ARHGAP10: variants seen among roughly 807,000 people sequenced by gnomAD.
ARHGAP10 encodes the protein Rho GTPase activating protein 10.
In ARHGAP10, 87 loss-of-function variants were observed where a neutral mutation model predicts 108.6. That is an observed-to-expected ratio of 0.80 (90% CI 0.67 to 0.96). The LOEUF is 0.96. Among genes scored for constraint, ARHGAP10 ranks in the 40% least tolerant of loss-of-function variants. The probability of loss-of-function intolerance (pLI) is 0.00; values close to 1 mark genes in which losing one functional copy is unlikely to be tolerated. For synonymous variants in ARHGAP10, 347 were observed against 341.1 expected, an observed-to-expected ratio of 1.02 and a Z score of -0.19; for missense variants, 939 against 954.5, an observed-to-expected ratio of 0.98 and a Z score of 0.21.
intron 18 of ARHGAP10, among the ~76,000 whole-genome samples, chr4:148,011,052 A>T (rs1405329529): frequency 6.6e-6 from 1 of 152,038 alleles, no homozygotes; most frequent in Non-Finnish European, 1.5e-5. Context: ...CATTACTTTG[A>T]CTCTTCACAA....
intron 16 of ARHGAP10, among the ~76,000 whole-genome samples, chr4:147,959,985 T>C (rs779286813): frequency 6.6e-6 from 1 of 152,218 alleles, no homozygotes; most frequent in Non-Finnish European, 1.5e-5. Flanking sequence ...TTTTGCGATA[T>C]AAAATTCTTA....
chr4:148,034,132 A>G (rs372272237), intron 19 of ARHGAP10, among the ~76,000 whole-genome samples: 9 of 152,356 alleles, frequency 5.9e-5, no homozygotes, highest in South Asian at 2.1e-4. Flanking sequence ...CAGCCAATAT[A>G]TGGTAAATAT....
chr4:147,792,092 T>C (rs999458578), intron 1 of ARHGAP10, among the ~76,000 whole-genome samples: 3 of 152,264 alleles, frequency 2.0e-5, no homozygotes, highest in Non-Finnish European at 4.4e-5. Flanking sequence ...CAGGGTTGTC[T>C]TCACCTTTAC....
At chr4:147,807,504 G>A (rs1404627071) in intron 1 of ARHGAP10, among the ~76,000 whole-genome samples, 10 of 151,926 alleles carry the variant, frequency 6.6e-5, no homozygotes, top group Admixed American at 5.9e-4. Context: ...GGTCAGGAAC[G>A]TAAAGAGGTC....
chr4:147,844,856 C>T (rs1342702312), intron 3 of ARHGAP10, among the ~76,000 whole-genome samples: 1 of 152,196 alleles, frequency 6.6e-6, no homozygotes, highest in African/African-American at 2.4e-5. Flanking sequence ...TCATCTCTCC[C>T]TCAGCAGCCA....
chr4:147,751,452 C>T (rs1184407112), intron 1 of ARHGAP10, among the ~76,000 whole-genome samples: 3 of 151,786 alleles, frequency 2.0e-5, no homozygotes, highest in African/African-American at 7.3e-5. Context: ...CAACCTCCGC[C>T]TCCTGGGTTC....
chr4:147,860,335 A>G (rs1159382156), intron 5 of ARHGAP10, among the ~76,000 whole-genome samples: 1 of 152,132 alleles, frequency 6.6e-6, no homozygotes, highest in Admixed American at 6.6e-5. Flanking sequence ...CCAGCTACTC[A>G]GGAGGCTGAG....
chr4:147,860,467 A>G (rs1189635993), intron 5 of ARHGAP10, among the ~76,000 whole-genome samples: 1 of 151,728 alleles, frequency 6.6e-6, no homozygotes. Context: ...AAACAAAACA[A>G]AAAAAACCAG....
intron 13 of ARHGAP10, among the ~76,000 whole-genome samples, chr4:147,935,284 G>A (rs1216425316): frequency 1.3e-5 from 2 of 152,214 alleles, no homozygotes; most frequent in South Asian, 4.1e-4. Context: ...GGATCTGAAG[G>A]CTGGCTCTTA....
intron 18 of ARHGAP10, among the ~76,000 whole-genome samples, chr4:147,990,005 T>C (rs1740208920): frequency 6.6e-6 from 1 of 152,244 alleles, no homozygotes; most frequent in Non-Finnish European, 1.5e-5. Context: ...CACATTCTTC[T>C]GTCATGGCTT....
chr4:148,059,887 T>G (rs1729528658), intron 20 of ARHGAP10, among the ~76,000 whole-genome samples: 1 of 151,998 alleles, frequency 6.6e-6, no homozygotes, highest in Non-Finnish European at 1.5e-5. Context: ...CAATGCAGCT[T>G]GGGCCAGGTC....
chr4:147,982,365 C>CTT (rs70958599), intron 18 of ARHGAP10, among the ~76,000 whole-genome samples: 66 of 124,628 alleles, frequency 5.3e-4, no homozygotes, highest in African/African-American at 1.8e-3. Context: ...TTCTTTCTTT[C>CTT]TTTTTTTTTT....
chr4:147,732,579 C>T, intron 1 of ARHGAP10, 124 bp downstream of exon 1: 1 of 1,380,298 alleles, frequency 7.2e-7, no homozygotes, highest in Non-Finnish European at 9.9e-7. Flanking sequence ...GAATTCATTC[C>T]GGACCAGCCC....
Position 147,740,027 on chromosome 4 carries a change from C to T in ARHGAP10, c.154+7572C>T, listed in dbSNP as rs148798921. 9.5e-5 allele frequency among the ~76,000 whole-genome samples: 14 copies of T among 147,716 alleles called. No individual in the cohort carries two copies. In the East Asian group the frequency reaches 2.2e-3, roughly 23 times the overall value. The stretch of plus-strand genomic sequence containing the variant: ...CTGGGATTACAGGTGTGAGCCACTG[C>T]GTCTGGCCTTACTGGGTTACTTTTT... On this transcript the variant is annotated intron_variant, in intron 1 of 22. Transcript: ENST00000336498.
intron 13 of ARHGAP10, among the ~76,000 whole-genome samples, chr4:147,921,110 T>G (rs1737213975): frequency 6.6e-6 from 1 of 152,200 alleles, no homozygotes; most frequent in South Asian, 2.1e-4. Context: ...AGGTAACTGA[T>G]TCTGGATAAT....
At chr4:147,946,855 A>C in intron 15 of ARHGAP10, 151 bp downstream of exon 15, 1 of 510,256 alleles carries the variant, frequency 2.0e-6, no homozygotes, top group Middle Eastern at 4.5e-4. Flanking sequence ...TCCCAGAAAG[A>C]AAGGTAACTA....
chr4:147,835,476 G>A (rs1733131659), intron 3 of ARHGAP10, among the ~76,000 whole-genome samples: 2 of 152,154 alleles, frequency 1.3e-5, no homozygotes, highest in African/African-American at 2.4e-5. Context: ...AGGTTCCAGA[G>A]ATTTTCCTGC....
chr4:147,964,958 G>A (rs1172469285), intron 16 of ARHGAP10, 66 bp from the exon 17 acceptor site: 7 of 1,088,166 alleles, frequency 6.4e-6, no homozygotes, highest in Non-Finnish European at 8.9e-6. Flanking sequence ...TTGATTCTGA[G>A]TTCTCTATTA....
intron 1 of ARHGAP10, among the ~76,000 whole-genome samples, chr4:147,751,980 G>T (rs1008004920): frequency 1.3e-4 from 19 of 151,120 alleles, no homozygotes; most frequent in African/African-American, 4.6e-4. Context: ...CTGACTCCCA[G>T]GTTCAAGCAA....
Sources: allele counts gnomAD v4.1 joint callset (sites outside exome capture counted in the v4.1 genomes callset), GRCh38; gene constraint gnomAD v4.1.1; transcripts MANE v1.5; gene names NCBI Gene and HGNC (gene_info 2026-07-23, HGNC 2026-07-21).